The following BLOC1S3 variants were observed in gnomAD, a reference collection of about 807,000 sequenced individuals.
BLOC1S3 encodes biogenesis of lysosomal organelles complex 1 subunit 3, also known as biogenesis of lysosome-related organelles complex 1 subunit 3.
Under a neutral mutation model 9.1 loss-of-function variants are expected in BLOC1S3, and 7 were observed. The ratio of observed to expected loss-of-function variants is 0.77; its 90% CI spans 0.44 to 1.45. BLOC1S3 has a LOEUF of 1.45. Among genes scored for constraint, BLOC1S3 ranks in the 40% most tolerant of loss-of-function variants. The pLI, the probability that BLOC1S3 is intolerant of heterozygous loss-of-function variation, is 0.01. For missense variants in BLOC1S3, 307 were observed against 315.2 expected (o/e 0.97, Z 0.20); for synonymous variants, 145 against 158.4 (o/e 0.92, Z 0.64).
At chr19:45,213,827 G>A (rs913351740) in intron 3 of BLOC1S3, among the ~76,000 whole-genome samples, 1 of 151,350 alleles carries the variant, frequency 6.6e-6, no homozygotes, top group Admixed American at 6.6e-5. Context: ...GGTGGCAGGC[G>A]CTTGTAATCC....
At chr19:45,211,676 A>T (rs1203354730) in intron 3 of BLOC1S3, among the ~76,000 whole-genome samples, 4 of 88,724 alleles carry the variant, frequency 4.5e-5, no homozygotes, top group Non-Finnish European at 6.8e-5. Flanking sequence ...CGGGTCAGGA[A>T]GCACAGCCTT....
chr19:45,180,153 T>C lies in BLOC1S3; in HGVS notation c.*248T>C, dbSNP rs1280007891. Reference sequence around the variant, plus strand: ...TCCCGATCCTGACCCTGCCGCCTGGTTCTGAGCCTTCCCCTGGGGCTTGGC... The same window carrying C: ...TCCCGATCCTGACCCTGCCGCCTGGCTCTGAGCCTTCCCCTGGGGCTTGGC... On this transcript the variant is annotated 3_prime_UTR_variant, in exon 2 of 2. Coordinates refer to ENST00000433642, the MANE Select transcript of BLOC1S3 (RefSeq NM_212550.5). 9.3e-6 allele frequency: 4 copies of C among 431,514 alleles called. No homozygotes were observed. The highest frequency in any genetic ancestry group is 1.7e-5 in the Non-Finnish European group (4 of 237,498). The allele number at this position is 431,514 out of a possible 1,614,324, so 26.7% of individuals were successfully genotyped here. A position where few individuals can be genotyped will look rare whatever the true frequency, so the allele number is the denominator to read the frequency against.
At chr19:45,192,505 G>T (rs1488257712) in intron 2 of BLOC1S3, among the ~76,000 whole-genome samples, 1 of 152,146 alleles carries the variant, frequency 6.6e-6, no homozygotes, top group East Asian at 1.9e-4. Flanking sequence ...TCTCCCCGTA[G>T]TCACCACGTC....
intron 3 of BLOC1S3, among the ~76,000 whole-genome samples, chr19:45,211,465 C>G (rs953577994): frequency 6.7e-6 from 1 of 149,302 alleles, no homozygotes; most frequent in Non-Finnish European, 1.5e-5. Flanking sequence ...GAGCTGAGAT[C>G]GCGCCATTGC....
intron 3 of BLOC1S3, chr19:45,212,924 T>G: frequency 1.0e-5 from 9 of 899,714 alleles, no homozygotes; most frequent in South Asian, 4.7e-5. Flanking sequence ...GTACAGGGAG[T>G]TTGGGGTTGG....
intron 2 of BLOC1S3, among the ~76,000 whole-genome samples, chr19:45,195,956 G>A (rs1234113997): frequency 6.6e-6 from 1 of 152,168 alleles, no homozygotes; most frequent in African/African-American, 2.4e-5. Flanking sequence ...AAACAGCTGA[G>A]CCATTCTGTT....
chr19:45,212,598 C>CTTTTTTTTTTTTTTTTTTTTTTTTTTT (rs530736333), intron 3 of BLOC1S3: 1 of 111,352 alleles, frequency 9.0e-6, no homozygotes, highest in African/African-American at 4.0e-5. Flanking sequence ...TTCCCCCTAC[C>CTTTTTTTTTTTTTTTTTTTTTTTTTTT]TTTTTTTTTT....
At chr19:45,204,028 A>G (rs913947158) in intron 3 of BLOC1S3, among the ~76,000 whole-genome samples, 2 of 149,740 alleles carry the variant, frequency 1.3e-5, no homozygotes, top group African/African-American at 4.9e-5. Context: ...TTTTTTTGAG[A>G]TGGAGTCTCA....
chr19:45,216,581 AAATAAAG>A (rs1470786127), intron 3 of BLOC1S3: 1 of 154,778 alleles, frequency 6.5e-6, no homozygotes, highest in Non-Finnish European at 1.4e-5. Context: ...TCTGTCTCAA[AAATAAAG>A]AATAAAAATA....
intron 3 of BLOC1S3, among the ~76,000 whole-genome samples, chr19:45,211,448 T>G (rs1053862272): frequency 6.7e-6 from 1 of 148,562 alleles, no homozygotes; most frequent in African/African-American, 2.5e-5. Context: ...GAGGTGGAGG[T>G]TGCAGTGAGC....
rs151169412 is a variant in BLOC1S3, at chr19:45,207,542, C to T, written n.282+5035C>T. ...CCACACTCCAGTGTGGGTGACAGAG[C>T]GAGACTCTGTCTCAAAAAAAAAAAA... is the stretch of plus-strand genomic sequence containing the variant. On this transcript the variant is annotated intron_variant and non_coding_transcript_variant, in intron 3 of 3. Transcript: ENST00000591569. Among the ~76,000 whole-genome samples the T allele has an allele frequency of 5.8e-3, 698 of 119,436 alleles. 13 individuals are homozygous for T. The highest frequency in any genetic ancestry group is 0.021 in the Middle Eastern group (3 of 140). 78.4% of individuals were successfully genotyped at this position (119,436 alleles called of 152,430 possible).
chr19:45,197,506 A>AG (rs1457410295), intron 2 of BLOC1S3, among the ~76,000 whole-genome samples: 59 of 150,768 alleles, frequency 3.9e-4, no homozygotes, highest in African/African-American at 1.3e-3. Context: ...CACCAAAAAA[A>AG]AAGAAGAAGA....
Position 45,213,306 on chromosome 19 carries a change from G to A in BLOC1S3, n.283-3370G>A, listed in dbSNP as rs369915015. On this transcript the variant is annotated intron_variant and non_coding_transcript_variant, in intron 3 of 3. Coordinates refer to the BLOC1S3 transcript ENST00000591569. ...CCACGGCCAGGATCTCCTGGCGGGC[G>A]GCTGTGTTGCGCAGGCCACGGATGT... 23 of 1,613,728 alleles carry A rather than the reference G, an allele frequency of 1.4e-5. No homozygotes were observed. In the African/African-American group the frequency reaches 1.7e-4, roughly 12 times the overall value.
At chr19:45,201,992 G>A (rs1007384383) in intron 2 of BLOC1S3, among the ~76,000 whole-genome samples, 1 of 152,004 alleles carries the variant, frequency 6.6e-6, no homozygotes, top group Admixed American at 6.6e-5. Flanking sequence ...GGGAGGCCGA[G>A]GCGGGTGGAT....
chr19:45,183,936 G>C (rs1167728279), downstream of BLOC1S3, among the ~76,000 whole-genome samples: 2 of 152,044 alleles, frequency 1.3e-5, no homozygotes, highest in Non-Finnish European at 2.9e-5. Context: ...CACCTGGTCA[G>C]GACTTCCCTT....
intron 2 of BLOC1S3, among the ~76,000 whole-genome samples, chr19:45,191,938 T>G (rs1969610099): frequency 6.6e-6 from 1 of 152,176 alleles, no homozygotes; most frequent in African/African-American, 2.4e-5. Context: ...GTACCACCTA[T>G]GTCCACTGAA....
chr19:45,204,602 A>G (rs1412612589), intron 3 of BLOC1S3, among the ~76,000 whole-genome samples: 1 of 152,206 alleles, frequency 6.6e-6, no homozygotes, highest in Non-Finnish European at 1.5e-5. Context: ...ATGGCGTCTT[A>G]CATGTCTGAC....
At chr19:45,194,718 C>T (rs756214645) in intron 2 of BLOC1S3, among the ~76,000 whole-genome samples, 10 of 152,050 alleles carry the variant, frequency 6.6e-5, no homozygotes, top group Non-Finnish European at 1.5e-4. Context: ...GAGCACATAC[C>T]GTATGATTCC....
chr19:45,182,106 A>G (rs1296546962), downstream of BLOC1S3, among the ~76,000 whole-genome samples: 1 of 152,210 alleles, frequency 6.6e-6, no homozygotes, highest in African/African-American at 2.4e-5. Context: ...TAGTTCTAGT[A>G]ATCATAATTT....
Sources: gnomAD v4.1 joint callset for allele counts (sites outside exome capture counted in the v4.1 genomes callset) on GRCh38, gnomAD v4.1.1 for gene constraint, MANE v1.5 for transcripts, NCBI Gene and HGNC (gene_info 2026-07-23, HGNC 2026-07-21) for gene names.